EYA2: variants seen among roughly 807,000 people sequenced by gnomAD.
EYA2 encodes EYA transcriptional coactivator and phosphatase 2.
Under a neutral mutation model 69.2 loss-of-function variants are expected in EYA2, and 31 were observed. That is an observed-to-expected ratio of 0.45 (90% confidence interval 0.34 to 0.60). The LOEUF is 0.60. Ranked by LOEUF, EYA2 falls within the 20% of genes least tolerant of loss-of-function variation. The probability of loss-of-function intolerance (pLI) is 0.02; values close to 1 mark genes in which losing one functional copy is unlikely to be tolerated. For missense variants in EYA2, 622 were observed against 701.2 expected, an observed-to-expected ratio of 0.89 and a Z score of 1.28; for synonymous variants, 257 against 279.4, an observed-to-expected ratio of 0.92 and a Z score of 0.80.
At chr20:47,025,532 G>A (rs1021091069) in intron 5 of EYA2, among the ~76,000 whole-genome samples, 1 of 152,256 alleles carries the variant, frequency 6.6e-6, no homozygotes. Context: ...GCCTATTATT[G>A]CATTGAATGA....
At chr20:46,970,241 G>A (rs901694312) in intron 1 of EYA2, among the ~76,000 whole-genome samples, 1 of 152,156 alleles carries the variant, frequency 6.6e-6, no homozygotes, top group Non-Finnish European at 1.5e-5. Context: ...TTCTCAAATA[G>A]CCACCATTTT....
At chr20:47,027,918 T>C (rs1435873314) in intron 5 of EYA2, among the ~76,000 whole-genome samples, 1 of 152,212 alleles carries the variant, frequency 6.6e-6, no homozygotes, top group African/African-American at 2.4e-5. Flanking sequence ...CAAAGCTAAC[T>C]CTTAAGTTGT....
intron 15 of EYA2, among the ~76,000 whole-genome samples, chr20:47,185,034 G>T (rs1387362274): frequency 5.9e-5 from 9 of 152,302 alleles, no homozygotes. Context: ...ACAAATGGAA[G>T]TCATTAGCCC....
intron 13 of EYA2, 115 bp downstream of exon 13, chr20:47,180,027 A>T: frequency 2.8e-6 from 2 of 706,208 alleles, no homozygotes; most frequent in Non-Finnish European, 2.4e-6. Flanking sequence ...TCACTTGTAC[A>T]CTTTCCAAAT....
chr20:46,954,941 A>G (rs1476134249), intron 1 of EYA2, among the ~76,000 whole-genome samples: 1 of 152,210 alleles, frequency 6.6e-6, no homozygotes, highest in African/African-American at 2.4e-5. Context: ...GGAGTAGGGA[A>G]GAAGCACTAT....
chr20:47,089,607 G>A (rs2032011405), intron 8 of EYA2, among the ~76,000 whole-genome samples: 1 of 152,234 alleles, frequency 6.6e-6, no homozygotes, highest in Non-Finnish European at 1.5e-5. Flanking sequence ...GGGGGTGGGG[G>A]ATGGTGCTTT....
chr20:46,991,168 A>T (rs775573511), intron 2 of EYA2, among the ~76,000 whole-genome samples: 29 of 152,242 alleles, frequency 1.9e-4, no homozygotes, highest in Non-Finnish European at 3.8e-4. Flanking sequence ...AGCCCCGTTC[A>T]AAGACATTCA....
intron 5 of EYA2, among the ~76,000 whole-genome samples, chr20:47,019,328 A>G (rs889606423): frequency 5.3e-5 from 8 of 152,158 alleles, no homozygotes; most frequent in Admixed American, 5.2e-4. Context: ...GTCCCAATTA[A>G]CTGCCTTCAG....
intron 5 of EYA2, among the ~76,000 whole-genome samples, chr20:47,022,148 T>C (rs1269105764): frequency 6.6e-6 from 1 of 152,154 alleles, no homozygotes; most frequent in Non-Finnish European, 1.5e-5. Context: ...CAGGAGGCAA[T>C]TTTCCCAGGC....
chr20:47,169,206 T>C lies in EYA2; in HGVS notation c.1037+9T>C, dbSNP rs544584242. The C allele has an allele frequency of 3.7e-6, 6 of 1,613,604 alleles. No individual in the cohort carries two copies. In the South Asian group the frequency reaches 5.5e-5, roughly 15 times the overall value. On this transcript the variant is annotated intron_variant, in intron 11 of 15. Coordinates refer to ENST00000327619, the MANE Select transcript of EYA2 (RefSeq NM_005244.5). ...AATGGCCAAGATTTAAGGTGGGAATTTGGGGAGTCAAAAATGCCCATTGAT... is the reference window on the plus strand; with the variant it reads ...AATGGCCAAGATTTAAGGTGGGAATCTGGGGAGTCAAAAATGCCCATTGAT...
chr20:47,026,191 T>G (rs1173689303), intron 5 of EYA2, among the ~76,000 whole-genome samples: 1 of 152,246 alleles, frequency 6.6e-6, no homozygotes, highest in Non-Finnish European at 1.5e-5. Context: ...TGGGAAAATA[T>G]GAACTATTGA....
At chr20:47,120,460 C>T (rs191380120) in intron 9 of EYA2, among the ~76,000 whole-genome samples, 18 of 152,300 alleles carry the variant, frequency 1.2e-4, no homozygotes, top group East Asian at 7.7e-4. Flanking sequence ...TGGGTAGTCA[C>T]GTTTTGTTAG....
chr20:47,104,626 TG>T (rs1205636012), intron 9 of EYA2, among the ~76,000 whole-genome samples: 1 of 152,186 alleles, frequency 6.6e-6, no homozygotes, highest in Non-Finnish European at 1.5e-5. Flanking sequence ...GAGGCAGGGG[TG>T]CAACCTCATT....
intron 5 of EYA2, among the ~76,000 whole-genome samples, chr20:47,055,755 T>C (rs1194270518): frequency 1.3e-5 from 2 of 152,074 alleles, no homozygotes; most frequent in Non-Finnish European, 2.9e-5. Context: ...CTCTAAGAGG[T>C]CTTCCAAATG....
intron 8 of EYA2, among the ~76,000 whole-genome samples, chr20:47,090,214 C>G (rs1468225195): frequency 6.7e-6 from 1 of 148,450 alleles, no homozygotes; most frequent in Non-Finnish European, 1.5e-5. Context: ...AACTAGTGGT[C>G]AGGGATGCTC....
intron 1 of EYA2, among the ~76,000 whole-genome samples, chr20:46,896,180 G>A (rs1272987482): frequency 1.3e-5 from 2 of 152,192 alleles, no homozygotes; most frequent in African/African-American, 2.4e-5. Flanking sequence ...CAAACATCAT[G>A]TAAGAATTTG....
chr20:47,146,789 G>A (rs767327808), intron 10 of EYA2, among the ~76,000 whole-genome samples: 6 of 152,204 alleles, frequency 3.9e-5, no homozygotes, highest in East Asian at 1.9e-4. Flanking sequence ...TCCTTCCCGC[G>A]TCCAGCAGCG....
At chr20:47,066,144 A>G (rs1357461351) in intron 5 of EYA2, among the ~76,000 whole-genome samples, 2 of 152,192 alleles carry the variant, frequency 1.3e-5, no homozygotes, top group Non-Finnish European at 2.9e-5. Context: ...GTTCAACACC[A>G]GCTTTGGCAA....
chr20:46,947,236 G>A (rs145176225), intron 1 of EYA2, among the ~76,000 whole-genome samples: 1 of 151,648 alleles, frequency 6.6e-6, no homozygotes, highest in African/African-American at 2.4e-5. Context: ...TTTCTCCCAG[G>A]TTCTCTTGTC....
Sources: gnomAD v4.1 joint callset for allele counts (sites outside exome capture counted in the v4.1 genomes callset) on GRCh38, gnomAD v4.1.1 for gene constraint, MANE v1.5 for transcripts, NCBI Gene and HGNC (gene_info 2026-07-23, HGNC 2026-07-21) for gene names.